The following KYAT1 variants were observed in gnomAD, a reference collection of about 807,000 sequenced individuals.
KYAT1 encodes the protein kynurenine--oxoglutarate transaminase 1.
KYAT1 carries 47 observed loss-of-function variants against 52.4 expected under a neutral mutation model. The observed-to-expected ratio is 0.90, with a 90% CI of 0.71 to 1.14. KYAT1 has a LOEUF of 1.14. KYAT1 is among the 50% of genes most tolerant of loss of function. The pLI, the probability that KYAT1 is intolerant of heterozygous loss-of-function variation, is 0.00. For synonymous variants in KYAT1, 212 were observed against 209.6 expected, an observed-to-expected ratio of 1.01 and a Z score of -0.10; for missense variants, 480 against 557.9, an observed-to-expected ratio of 0.86 and a Z score of 1.41.
intron 1 of KYAT1, among the ~76,000 whole-genome samples, chr9:128,869,254 C>T (rs1261403447): frequency 1.3e-5 from 2 of 151,574 alleles, no homozygotes; most frequent in South Asian, 2.1e-4. Context: ...CTCTGCCTCC[C>T]GGGTTCACAC....
chr9:128,856,984 C>T (rs1354558153), intron 1 of KYAT1, among the ~76,000 whole-genome samples: 2 of 152,206 alleles, frequency 1.3e-5, no homozygotes, highest in South Asian at 2.1e-4. Context: ...CTGAATGTCT[C>T]GGTATAAAAC....
chr9:128,853,934 C>T (rs968764689), intron 1 of KYAT1, among the ~76,000 whole-genome samples: 1 of 152,198 alleles, frequency 6.6e-6, no homozygotes, highest in African/African-American at 2.4e-5. Context: ...TGTCATTTGT[C>T]CATGTGACAG....
chr9:128,858,484 G>C (rs1022170501), intron 1 of KYAT1, among the ~76,000 whole-genome samples: 4 of 145,360 alleles, frequency 2.8e-5, no homozygotes, highest in African/African-American at 7.7e-5. Flanking sequence ...GATCACCTAA[G>C]GTCAGGAGTC....
intron 1 of KYAT1, among the ~76,000 whole-genome samples, chr9:128,875,248 G>GTTTTTTTTTTTT (rs1201067985): frequency 9.2e-6 from 1 of 108,340 alleles, no homozygotes; most frequent in African/African-American, 3.4e-5. Context: ...GTTTTTTTTT[G>GTTTTTTTTTTTT]TTTTTTTTTT....
At chr9:128,862,047 A>G (rs1835529771) in intron 1 of KYAT1, among the ~76,000 whole-genome samples, 1 of 152,220 alleles carries the variant, frequency 6.6e-6, no homozygotes, top group Non-Finnish European at 1.5e-5. Flanking sequence ...GTTGCCTGGT[A>G]GGTCAATTCT....
intron 9 of KYAT1, 46 bp from the exon 10 acceptor site, chr9:128,835,713 C>A: frequency 1.9e-6 from 3 of 1,605,000 alleles, no homozygotes; most frequent in Non-Finnish European, 2.5e-6. Context: ...TGTTCCCTGA[C>A]GCGGGGGCCA....
At chr9:128,859,110 C>T (rs1425371365) in intron 1 of KYAT1, among the ~76,000 whole-genome samples, 6 of 152,094 alleles carry the variant, frequency 3.9e-5, no homozygotes, top group Admixed American at 3.9e-4. Flanking sequence ...CGCCTGTAAT[C>T]CCAGCATTTT....
intron 1 of KYAT1, among the ~76,000 whole-genome samples, chr9:128,876,249 C>T (rs1481916782): frequency 1.4e-5 from 2 of 147,422 alleles, no homozygotes; most frequent in Non-Finnish European, 3.0e-5. Context: ...AAATTCTTTG[C>T]TTTTAAAAAA....
intron 1 of KYAT1, among the ~76,000 whole-genome samples, chr9:128,871,773 A>G (rs148892414): frequency 2.6e-5 from 4 of 152,304 alleles, no homozygotes; most frequent in African/African-American, 4.8e-5. Flanking sequence ...ATATATACAT[A>G]TACACATACA....
At chr9:128,873,626 T>C (rs945303083) in intron 1 of KYAT1, among the ~76,000 whole-genome samples, 4 of 151,530 alleles carry the variant, frequency 2.6e-5, no homozygotes, top group African/African-American at 9.7e-5. Flanking sequence ...ACAAAAAAAA[T>C]TAGCTGGGTG....
At chr9:128,869,083 A>G (rs2130773708) in intron 1 of KYAT1, among the ~76,000 whole-genome samples, 1 of 151,936 alleles carries the variant, frequency 6.6e-6, no homozygotes, top group South Asian at 2.1e-4. Flanking sequence ...CACGCAATAC[A>G]AAGGCCTTGG....
chr9:128,834,183 G>GTGA (rs1187398875), intron 11 of KYAT1, among the ~76,000 whole-genome samples: 2 of 152,034 alleles, frequency 1.3e-5, no homozygotes, highest in African/African-American at 4.8e-5. Context: ...GCTTGAACCC[G>GTGA]GGGGTGGAGG....
At chr9:128,866,112 C>T (rs1836329896) in intron 1 of KYAT1, among the ~76,000 whole-genome samples, 1 of 152,174 alleles carries the variant, frequency 6.6e-6, no homozygotes, top group African/African-American at 2.4e-5. Flanking sequence ...AAGCTAGCCA[C>T]CATGTATACA....
rs570627751 is a variant in KYAT1, at chr9:128,862,910, C to T, written c.-6-17499G>A. Reference sequence around the variant, plus strand: ...CATGATCTCGGCTCCCTGCAACCTCCGCCTCCCAGGTTCAAGTGATTCTCA... The same window carrying T: ...CATGATCTCGGCTCCCTGCAACCTCTGCCTCCCAGGTTCAAGTGATTCTCA... On this transcript the variant is annotated intron_variant, in intron 1 of 12. Transcript: ENST00000302586. 5.9e-5 allele frequency among the ~76,000 whole-genome samples: 9 copies of T among 152,192 alleles called. No individual in the cohort carries two copies. In the South Asian group the frequency reaches 1.0e-3, roughly 18 times the overall value.
chr9:128,840,618 A>AT (rs5900818), intron 3 of KYAT1: 14,485 of 394,408 alleles, frequency 0.037, 165 homozygotes, highest in African/African-American at 0.095. Context: ...TACCCAAATG[A>AT]TTTTTTTTTT....
At chr9:128,856,887 G>GT (rs1834692157) in intron 1 of KYAT1, among the ~76,000 whole-genome samples, 1 of 152,220 alleles carries the variant, frequency 6.6e-6, no homozygotes, top group South Asian at 2.1e-4. Context: ...CCCGTAAAGG[G>GT]TCTGTGCTGA....
chr9:128,862,441 A>G (rs1835585697), intron 1 of KYAT1, among the ~76,000 whole-genome samples: 1 of 152,256 alleles, frequency 6.6e-6, no homozygotes. Flanking sequence ...AATTCCTAAC[A>G]TACTAAAATA....
chr9:128,842,811 A>T lies in KYAT1; in HGVS notation c.54-10T>A. The T allele has an allele frequency of 6.2e-7, 1 of 1,611,792 alleles. No individual in the cohort carries two copies. The highest frequency in any genetic ancestry group is 1.1e-5 in the South Asian group (1 of 90,694). On this transcript the variant is annotated splice_polypyrimidine_tract_variant and intron_variant, in intron 2 of 12. Transcript: ENST00000302586. ...TTTCACAAACTCCACCCTGGGTAAC[A>T]AATGGAGAATCAGCACCAGCCCAGC...
Position 128,837,761 on chromosome 9 carries a change from G to C in KYAT1, c.491C>G (p.Pro164Arg). Residue 164 changes from proline to arginine, a missense_variant, in exon 6 of 13, where the codon CCC (proline) becomes CGC (arginine). By Grantham distance (103) the Pro-to-Arg change is moderately radical. Transcript: ENST00000302586. ...TGTGAATTTGCCGGCCAGCTCCATG[G>C]GGTCCAGCTGCCAGTTGCTGCTGGA... ...LGSSSNWQLD[P>R]MELAGKFTSR... The C allele has an allele frequency of 6.2e-7, 1 of 1,614,016 alleles. No individual in the cohort carries two copies. Among genetic ancestry groups the C allele is most frequent in the Non-Finnish European group, 8.5e-7 (1 of 1,179,954 alleles).
Sources: allele counts gnomAD v4.1 joint callset (sites outside exome capture counted in the v4.1 genomes callset), GRCh38; gene constraint gnomAD v4.1.1; transcripts MANE v1.5; gene names NCBI Gene and HGNC (gene_info 2026-07-23, HGNC 2026-07-21).